ST8SIA6: variants seen among roughly 807,000 people sequenced by gnomAD.
ST8SIA6 encodes alpha-2,8-sialyltransferase 8F.
In ST8SIA6, 39 loss-of-function variants were observed where a neutral mutation model predicts 33.6. The ratio of observed to expected loss-of-function variants is 1.16; its 90% CI spans 0.90 to 1.52. The LOEUF is 1.52. Among genes scored for constraint, ST8SIA6 ranks in the 40% most tolerant of loss-of-function variants. ST8SIA6 has a pLI of 0.00. For synonymous variants in ST8SIA6, 172 were observed against 167.2 expected, an observed-to-expected ratio of 1.03 and a Z score of -0.22; for missense variants, 441 against 443.8, an observed-to-expected ratio of 0.99 and a Z score of 0.06.
At position 17,353,687 on chromosome 10, in the gene ST8SIA6, G is replaced by C. The variant is rs527562366; in HGVS notation, c.377+5827C>G. On this transcript the variant is annotated intron_variant, in intron 4 of 7. Transcript: ENST00000377602. ...TAGTTATCTGTAACAAAGTAATCAG[G>C]CACGAAATACCTGTTTTACAAGTCA... Among the ~76,000 whole-genome samples, 33 of 152,232 alleles carry C rather than the reference G, an allele frequency of 2.2e-4. No individual in the cohort carries two copies. In the South Asian group the frequency reaches 2.5e-3, roughly 11 times the overall value.
At chr10:17,411,271 C>T (rs572139549) in intron 2 of ST8SIA6, among the ~76,000 whole-genome samples, 68 of 152,116 alleles carry the variant, frequency 4.5e-4, no homozygotes, top group African/African-American at 1.4e-3. Context: ...GCAACCTCTG[C>T]CTCCCAGGTT....
chr10:17,439,605 C>A (rs1257100804), intron 2 of ST8SIA6, among the ~76,000 whole-genome samples: 1 of 152,126 alleles, frequency 6.6e-6, no homozygotes, highest in African/African-American at 2.4e-5. Flanking sequence ...TAAGAAACTG[C>A]CAAACTCTTT....
At chr10:17,391,255 T>TTTTATTTA (rs529722416) in intron 2 of ST8SIA6, among the ~76,000 whole-genome samples, 2 of 151,854 alleles carry the variant, frequency 1.3e-5, no homozygotes, top group Admixed American at 6.6e-5. Context: ...TTTATTTTAT[T>TTTTATTTA]TTTATTTATT....
chr10:17,401,829 C>T (rs1167520877), intron 2 of ST8SIA6, among the ~76,000 whole-genome samples: 1 of 152,122 alleles, frequency 6.6e-6, no homozygotes, highest in Non-Finnish European at 1.5e-5. Flanking sequence ...ATAAAAAACC[C>T]TAGAAGAAAA....
intron 4 of ST8SIA6, among the ~76,000 whole-genome samples, chr10:17,340,298 G>A (rs1337479404): frequency 1.3e-5 from 2 of 151,950 alleles, no homozygotes; most frequent in Admixed American, 6.6e-5. Flanking sequence ...CTGGTCACCT[G>A]TTCCGTCCTG....
At chr10:17,373,066 GA>G (rs1293960054) in intron 3 of ST8SIA6, among the ~76,000 whole-genome samples, 1 of 151,990 alleles carries the variant, frequency 6.6e-6, no homozygotes, top group Non-Finnish European at 1.5e-5. Context: ...ACGGCTGCAA[GA>G]AAAAACACAC....
At chr10:17,378,393 C>G (rs1386572708) in intron 3 of ST8SIA6, among the ~76,000 whole-genome samples, 1 of 152,142 alleles carries the variant, frequency 6.6e-6, no homozygotes, top group Non-Finnish European at 1.5e-5. Context: ...TGTCAGAGAC[C>G]ACTGAAGAGA....
intron 3 of ST8SIA6, among the ~76,000 whole-genome samples, chr10:17,385,786 C>A (rs1006126445): frequency 1.3e-5 from 2 of 152,126 alleles, no homozygotes; most frequent in African/African-American, 4.8e-5. Context: ...ATGTATAAAA[C>A]CAGGCTGTGC....
Position 17,319,903 on chromosome 10 carries a change from A to G in ST8SIA6, c.*975T>C, listed in dbSNP as rs1847890462. 6.6e-6 allele frequency: 1 copy of G among 152,144 alleles called. No individual in the cohort carries two copies. Among genetic ancestry groups the G allele is most frequent in the African/African-American group, 2.4e-5 (1 of 41,446 alleles). 9.4% of individuals were successfully genotyped at this position (152,144 alleles called of 1,614,324 possible). A position where few individuals can be genotyped will look rare whatever the true frequency, so the allele number is the denominator to read the frequency against. The stretch of plus-strand genomic sequence containing the variant: ...ATTGAAATAGATTCCACTGAAATGG[A>G]TTTAATTATCCCTGCTTCTGTTCCT... On this transcript the variant is annotated 3_prime_UTR_variant, in exon 8 of 8. Transcript: ENST00000377602.
chr10:17,353,008 C>G (rs1849083568), intron 4 of ST8SIA6, among the ~76,000 whole-genome samples: 1 of 152,094 alleles, frequency 6.6e-6, no homozygotes, highest in Admixed American at 6.5e-5. Context: ...TCAATGTAGT[C>G]ACCCTGTATG....
intron 2 of ST8SIA6, among the ~76,000 whole-genome samples, chr10:17,392,896 C>G (rs539707638): frequency 1.3e-5 from 2 of 152,188 alleles, no homozygotes; most frequent in East Asian, 3.9e-4. Flanking sequence ...TCTGTGTCAA[C>G]TTGATTGGGC....
At chr10:17,395,744 G>A (rs1850783292) in intron 2 of ST8SIA6, among the ~76,000 whole-genome samples, 1 of 152,042 alleles carries the variant, frequency 6.6e-6, no homozygotes, top group South Asian at 2.1e-4. Flanking sequence ...TTAGTCGGGT[G>A]TGGTGGCACG....
chr10:17,412,858 A>T (rs1198496885), intron 2 of ST8SIA6, among the ~76,000 whole-genome samples: 1 of 152,252 alleles, frequency 6.6e-6, no homozygotes, highest in Non-Finnish European at 1.5e-5. Context: ...TTTAGCATAA[A>T]GAAAAGACAA....
chr10:17,345,567 G>A (rs1461757077), intron 4 of ST8SIA6, among the ~76,000 whole-genome samples: 1 of 144,430 alleles, frequency 6.9e-6, no homozygotes, highest in Non-Finnish European at 1.5e-5. Context: ...TGAAAGCCTG[G>A]AGAAGAGAGA....
Position 17,320,294 on chromosome 10 carries a change from TATC to T in ST8SIA6, c.*581_*583del, listed in dbSNP as rs1340435595. 6.6e-6 allele frequency: 1 copy of T among 152,364 alleles called. No homozygotes were observed. Among genetic ancestry groups the T allele is most frequent in the African/African-American group, 2.4e-5 (1 of 41,460 alleles). The allele number at this position is 152,364 out of a possible 1,614,324, so 9.4% of individuals were successfully genotyped here. On this transcript the variant is annotated 3_prime_UTR_variant, in exon 8 of 8. Transcript: ENST00000377602. ...ATAAATGGCTTAAATTCAACCAAAA[TATC>T]ATCACAGCTACTATTAAAAGTGAAT...
intron 4 of ST8SIA6, among the ~76,000 whole-genome samples, chr10:17,355,407 CA>C (rs769616948): frequency 2.6e-5 from 4 of 152,090 alleles, no homozygotes; most frequent in Non-Finnish European, 4.4e-5. Context: ...CAAGTCCTAC[CA>C]AGTCTTCAGT....
chr10:17,433,408 T>A (rs1265174955), intron 2 of ST8SIA6, among the ~76,000 whole-genome samples: 1 of 152,224 alleles, frequency 6.6e-6, no homozygotes, highest in Non-Finnish European at 1.5e-5. Context: ...CAACCGTTGG[T>A]AATCACGGAA....
chr10:17,358,506 A>G (rs1849268157), intron 4 of ST8SIA6, among the ~76,000 whole-genome samples: 1 of 152,130 alleles, frequency 6.6e-6, no homozygotes, highest in African/African-American at 2.4e-5. Context: ...TCTGGATTGT[A>G]ATAGGATAAA....
At chr10:17,425,995 C>G (rs1851927016) in intron 2 of ST8SIA6, among the ~76,000 whole-genome samples, 1 of 152,194 alleles carries the variant, frequency 6.6e-6, no homozygotes, top group African/African-American at 2.4e-5. Flanking sequence ...ATCACAGGAA[C>G]CAGTCACGGT....
Sources: allele counts gnomAD v4.1 joint callset (sites outside exome capture counted in the v4.1 genomes callset), GRCh38; gene constraint gnomAD v4.1.1; transcripts MANE v1.5; gene names NCBI Gene and HGNC (gene_info 2026-07-23, HGNC 2026-07-21).